The following ELAVL3 variants were observed in gnomAD, a reference collection of about 807,000 sequenced individuals.
The protein encoded by ELAVL3 is ELAV like RNA binding protein 3.
In ELAVL3, 8 loss-of-function variants were observed where a neutral mutation model predicts 34.2. That is an observed-to-expected ratio of 0.23 (90% confidence interval 0.14 to 0.42). The LOEUF (loss-of-function observed/expected upper bound fraction) is 0.42. Among genes scored for constraint, ELAVL3 ranks in the 10% least tolerant of loss-of-function variants. ELAVL3 has a pLI of 1.00. For missense variants in ELAVL3, 273 were observed against 518.8 expected (o/e 0.53, Z 4.60); for synonymous variants, 209 against 222.1 (o/e 0.94, Z 0.53).
At chr19:11,455,638 A>T (rs1970753411) in intron 6 of ELAVL3, among the ~76,000 whole-genome samples, 1 of 149,704 alleles carries the variant, frequency 6.7e-6, no homozygotes, top group African/African-American at 2.5e-5. Flanking sequence ...TCGCTGCGTT[A>T]GCCAGGCTGG....
rs564456067 is a variant in ELAVL3, at chr19:11,454,838, G to T, written c.792C>A (p.Ile264=). The T allele has an allele frequency of 6.2e-7, 1 of 1,606,670 alleles. No homozygotes were observed. Among genetic ancestry groups the T allele is most frequent in the Non-Finnish European group, 8.5e-7 (1 of 1,178,500 alleles). ...SLIARFSPIA[I]DGMSGLAGVG... is the part of the protein sequence containing the mutation. ...CGCCCGCCAGGCCGCTCATACCATC[G>T]ATGGCGATCGGCGAGAACCTGGCGA... The change falls in exon 7 of 7, where the codon ATC becomes ATA. Residue 264 remains isoleucine, a synonymous_variant. Coordinates refer to ENST00000359227, the MANE Select transcript of ELAVL3 (RefSeq NM_001420.4). This position sits in a 1 kb window ranked among gnomAD's most constrained non-coding sequence, Gnocchi z 9.2.
intron 3 of ELAVL3, among the ~76,000 whole-genome samples, chr19:11,462,474 T>C (rs1349831932): frequency 1.3e-5 from 2 of 149,520 alleles, no homozygotes; most frequent in African/African-American, 2.5e-5. Flanking sequence ...CCGTCTCTAC[T>C]AAAAATGCAA....
intron 1 of ELAVL3, among the ~76,000 whole-genome samples, chr19:11,471,462 A>T (rs999586566): frequency 6.7e-6 from 1 of 150,140 alleles, no homozygotes; most frequent in African/African-American, 2.5e-5. Context: ...AAAATACAAA[A>T]ATTAGTGGGG....
intron 3 of ELAVL3, among the ~76,000 whole-genome samples, chr19:11,460,220 C>T (rs918641198): frequency 2.0e-5 from 3 of 152,126 alleles, no homozygotes; most frequent in Admixed American, 6.5e-5. Context: ...ATCCTGTAGG[C>T]TCTACCTTCC....
intron 6 of ELAVL3, among the ~76,000 whole-genome samples, chr19:11,455,243 T>C (rs1970743930): frequency 6.6e-6 from 1 of 151,400 alleles, no homozygotes. Context: ...CAAGCAATCC[T>C]CCTGCCTTGG....
chr19:11,452,449 A>G lies in ELAVL3; in HGVS notation c.*2077T>C, dbSNP rs1970667741. 6.6e-6 allele frequency: 1 copy of G among 151,970 alleles called. No homozygotes were observed. Among genetic ancestry groups the G allele is most frequent in the South Asian group, 2.1e-4 (1 of 4,826 alleles). The allele number at this position is 151,970 out of a possible 1,614,324, so 9.4% of individuals were successfully genotyped here. A position where few individuals can be genotyped will look rare whatever the true frequency, so the allele number is the denominator to read the frequency against. Reference sequence around the variant, plus strand: ...GCTAAATTCAGCAAAAAAGTACAAGAAAGTTAACTGGTGCCAGTTTATGTC... The same window carrying G: ...GCTAAATTCAGCAAAAAAGTACAAGGAAGTTAACTGGTGCCAGTTTATGTC... On this transcript the variant is annotated 3_prime_UTR_variant, in exon 7 of 7. Coordinates refer to ENST00000359227, the MANE Select transcript of ELAVL3 (RefSeq NM_001420.4).
Position 11,466,065 on chromosome 19 carries a change from G to A in ELAVL3, c.333+107C>T. The stretch of plus-strand genomic sequence containing the variant: ...TTGAGCCCCTCTGGGGATGAGTCCT[G>A]AAAGGCAGTGGACATGGATGCATGG... On this transcript the variant is annotated intron_variant, in intron 3 of 6. Coordinates refer to ENST00000359227, the MANE Select transcript of ELAVL3 (RefSeq NM_001420.4). The surrounding 1 kb of genome is among the most constrained non-coding windows in gnomAD (Gnocchi z 5.0). 4.9e-6 allele frequency: 5 copies of A among 1,022,454 alleles called. No individual in the cohort carries two copies. Among genetic ancestry groups the A allele is most frequent in the Non-Finnish European group, 7.5e-6 (5 of 668,938 alleles). 63.3% of individuals were successfully genotyped at this position (1,022,454 alleles called of 1,614,324 possible).
Position 11,466,878 on chromosome 19 carries a change from C to A in ELAVL3, c.10-51G>T, listed in dbSNP as rs370347592. On this transcript the variant is annotated intron_variant, in intron 1 of 6. Coordinates refer to ENST00000359227, the MANE Select transcript of ELAVL3 (RefSeq NM_001420.4). This position sits in a 1 kb window ranked among gnomAD's most constrained non-coding sequence, Gnocchi z 5.0. ...CACCGCCCAGTCCCCACACCAGGGGCCTGCGGCAATGAGTGGCTTGGTGGT... is the reference window on the plus strand; with the variant it reads ...CACCGCCCAGTCCCCACACCAGGGGACTGCGGCAATGAGTGGCTTGGTGGT... The A allele has an allele frequency of 5.5e-5, 82 of 1,492,328 alleles. No individual in the cohort carries two copies. In the African/African-American group the frequency reaches 8.9e-4, roughly 16 times the overall value. The allele number at this position is 1,492,328 out of a possible 1,614,324, so 92.4% of individuals were successfully genotyped here.
At position 11,466,440 on chromosome 19, in the gene ELAVL3, C is replaced by A. The variant is rs977188802; in HGVS notation, c.230-165G>T. On this transcript the variant is annotated intron_variant, in intron 2 of 6. Coordinates refer to ENST00000359227, the MANE Select transcript of ELAVL3 (RefSeq NM_001420.4). This position sits in a 1 kb window ranked among gnomAD's most constrained non-coding sequence, Gnocchi z 5.0. The stretch of plus-strand genomic sequence containing the variant: ...CCACCTGCCTCCATCGCTCCTGAGA[C>A]CTTCACCTAGGGGGTATACCCATCT... Among the ~76,000 whole-genome samples, 5 of 151,698 alleles carry A rather than the reference C, an allele frequency of 3.3e-5. No individual in the cohort carries two copies. Among genetic ancestry groups the A allele is most frequent in the Admixed American group, 6.6e-5 (1 of 15,234 alleles).
intron 1 of ELAVL3, among the ~76,000 whole-genome samples, chr19:11,477,727 C>G (rs1171737778): frequency 7.0e-6 from 1 of 142,910 alleles, no homozygotes; most frequent in Non-Finnish European, 1.5e-5. Context: ...GAGTCTTGCT[C>G]TCTTGCCCAG....
Position 11,453,093 on chromosome 19 carries a change from C to T in ELAVL3, c.*1433G>A, listed in dbSNP as rs1006372070. On this transcript the variant is annotated 3_prime_UTR_variant, in exon 7 of 7. Transcript: ENST00000359227. ...GGAGGCCCAGTCCTGGTGGGGGAGGCTCAGGGCTGGGCCTCTCCCTCAGCT... is the reference window on the plus strand; with the variant it reads ...GGAGGCCCAGTCCTGGTGGGGGAGGTTCAGGGCTGGGCCTCTCCCTCAGCT... 4.0e-5 allele frequency: 6 copies of T among 151,862 alleles called. No individual in the cohort carries two copies. Among genetic ancestry groups the T allele is most frequent in the Admixed American group, 2.6e-4 (4 of 15,258 alleles). The allele number at this position is 151,862 out of a possible 1,614,324, so 9.4% of individuals were successfully genotyped here. A position where few individuals can be genotyped will look rare whatever the true frequency, so the allele number is the denominator to read the frequency against.
In ELAVL3 at chr19:11,454,178, G is replaced by A. The variant is rs3745686; in HGVS notation, c.*348C>T. 0.042 allele frequency: 9,251 copies of A among 221,870 alleles called. 282 individuals are homozygous for A. Among genetic ancestry groups the A allele is most frequent in the East Asian group, 0.12 (1,194 of 10,054 alleles). The allele number at this position is 221,870 out of a possible 1,614,324, so 13.7% of individuals were successfully genotyped here. A position where few individuals can be genotyped will look rare whatever the true frequency, so the allele number is the denominator to read the frequency against. On this transcript the variant is annotated 3_prime_UTR_variant, in exon 7 of 7. Coordinates refer to ENST00000359227, the MANE Select transcript of ELAVL3 (RefSeq NM_001420.4). The surrounding 1 kb of genome is among the most constrained non-coding windows in gnomAD (Gnocchi z 9.2). ...CTGGAGCCCCCCAAGCCATCCCATC[G>A]GGGGTGGTCGAGGGTGGGGGTGGGG...
In ELAVL3 at chr19:11,455,021, C is replaced by T. The variant is rs1011024960; in HGVS notation, c.753-144G>A. On this transcript the variant is annotated intron_variant, in intron 6 of 6. Transcript: ENST00000359227. Reference sequence around the variant, plus strand: ...GCAATGCAATTTTTTTTTTTAGAGACACGGTCTCGCTCTGTCACCCAGGCT... The same window carrying T: ...GCAATGCAATTTTTTTTTTTAGAGATACGGTCTCGCTCTGTCACCCAGGCT... 73 of 909,044 alleles carry T rather than the reference C, an allele frequency of 8.0e-5. 1 individual carries two copies. The highest frequency in any genetic ancestry group is 7.1e-4 in the Middle Eastern group (2 of 2,808). 56.3% of individuals were successfully genotyped at this position (909,044 alleles called of 1,614,324 possible).
Position 11,466,791 on chromosome 19 carries a change from C to T in ELAVL3, c.46G>A (p.Gly16Ser), listed in dbSNP as rs778860619. Residue 16 changes from glycine to serine, a missense_variant, in exon 2 of 7, where the codon GGC becomes AGC. Gly to Ser is a moderately conservative substitution (Grantham distance 56). Around this residue, in one of 4 missense-constraint regions of ELAVL3, gnomAD observed 40 missense variants for 40.8 expected, o/e 0.98. Coordinates refer to ENST00000359227, the MANE Select transcript of ELAVL3 (RefSeq NM_001420.4). The surrounding 1 kb of genome is among the most constrained non-coding windows in gnomAD (Gnocchi z 5.0). Reference sequence around the variant, plus strand: ...TTGGGCAGGGCCGGGCCGGCCGGGCCCCCCCCCACCTGAGACTCCATGGCC... The same window carrying T: ...TTGGGCAGGGCCGGGCCGGCCGGGCTCCCCCCCACCTGAGACTCCATGGCC... ...LGAMESQVGG[G>S]PAGPALPNGP... 3 of 1,611,830 alleles carry T rather than the reference C, an allele frequency of 1.9e-6. No homozygotes were observed. The highest frequency in any genetic ancestry group is 2.5e-6 in the Non-Finnish European group (3 of 1,178,946).
At chr19:11,467,015 A>G (rs539088910) in intron 1 of ELAVL3, among the ~76,000 whole-genome samples, 188 bp from the exon 2 acceptor site, 1 of 152,214 alleles carries the variant, frequency 6.6e-6, no homozygotes, top group Non-Finnish European at 1.5e-5. Context: ...ATTGGGGGGA[A>G]ACAAAGCACC....
Position 11,466,694 on chromosome 19 carries a change from T to G in ELAVL3, c.143A>C (p.Gln48Pro). Residue 48 changes from glutamine to proline, a missense_variant, in exon 2 of 7, where the codon CAG becomes CCG. Transcript: ENST00000359227. The surrounding 1 kb of genome is among the most constrained non-coding windows in gnomAD (Gnocchi z 5.0). ...CTTGAACTCATCCTGGGTCATGTTC[T>G]GGGGCAGGTAGTTGACGATGAGGTT... is the stretch of plus-strand genomic sequence containing the variant. Reference protein sequence around the residue: ...KTNLIVNYLPQNMTQDEFKSL... With the variant: ...KTNLIVNYLPPNMTQDEFKSL... 2 of 1,614,194 alleles carry G rather than the reference T, an allele frequency of 1.2e-6. No individual in the cohort carries two copies. Among genetic ancestry groups the G allele is most frequent in the Non-Finnish European group, 1.7e-6 (2 of 1,180,038 alleles).
Position 11,480,626 on chromosome 19 carries a change from G to C in ELAVL3, c.-18C>G, listed in dbSNP as rs746389697. On this transcript the variant is annotated 5_prime_UTR_variant, in exon 1 of 7. Coordinates refer to ENST00000359227, the MANE Select transcript of ELAVL3 (RefSeq NM_001420.4). This position sits in a 1 kb window ranked among gnomAD's most constrained non-coding sequence, Gnocchi z 6.8. The stretch of plus-strand genomic sequence containing the variant: ...GTGACCATTCTTGTGTGCCCGGCGG[G>C]CGCGGTCCGTGTTGAGGGGGGCTCC... 2 of 1,452,118 alleles carry C rather than the reference G, an allele frequency of 1.4e-6. No homozygotes were observed. The highest frequency in any genetic ancestry group is 1.5e-5 in the South Asian group (1 of 66,098). The allele number at this position is 1,452,118 out of a possible 1,614,324, so 90.0% of individuals were successfully genotyped here. A position where few individuals can be genotyped will look rare whatever the true frequency, so the allele number is the denominator to read the frequency against.
At position 11,454,465 on chromosome 19, in the gene ELAVL3, CTCTT is replaced by C. The variant is rs1286371994; in HGVS notation, c.*57_*60del. ...TTGGGCCCCTTCTCTCTCTCTCTCTCTCTTTCTCTCTCTCTCTCTCTGCTGCCCG... is the reference window on the plus strand; with the variant it reads ...TTGGGCCCCTTCTCTCTCTCTCTCTCTCTCTCTCTCTCTCTCTGCTGCCCG... On this transcript the variant is annotated 3_prime_UTR_variant, in exon 7 of 7. Transcript: ENST00000359227. The surrounding 1 kb of genome is among the most constrained non-coding windows in gnomAD (Gnocchi z 9.2). 3.4e-5 allele frequency: 47 copies of C among 1,379,776 alleles called. No individual in the cohort carries two copies. The highest frequency in any genetic ancestry group is 5.8e-5 in the African/African-American group (4 of 68,932). The allele number at this position is 1,379,776 out of a possible 1,614,324, so 85.5% of individuals were successfully genotyped here.
intron 1 of ELAVL3, among the ~76,000 whole-genome samples, chr19:11,479,687 A>AGGCAGGGCGT (rs946882480): frequency 6.6e-6 from 1 of 150,984 alleles, no homozygotes; most frequent in Non-Finnish European, 1.5e-5. Context: ...GGGCGTGGCC[A>AGGCAGGGCGT]GGCAGGGCGT....
Sources: gnomAD v4.1 joint callset for allele counts (sites outside exome capture counted in the v4.1 genomes callset) on GRCh38, gnomAD v4.1.1 for gene constraint, gnomAD v4.1.1 regional missense constraint, Gnocchi (gnomAD v3.1) non-coding constraint, MANE v1.5 for transcripts, NCBI Gene and HGNC (gene_info 2026-07-23, HGNC 2026-07-21) for gene names.